The following CDH3 variants were observed in gnomAD, a reference collection of about 807,000 sequenced individuals.
The protein encoded by CDH3 is cadherin 3.
Under a neutral mutation model 82.0 loss-of-function variants are expected in CDH3, and 54 were observed. The ratio of observed to expected loss-of-function variants is 0.66; its 90% confidence interval spans 0.53 to 0.83. CDH3 has a LOEUF of 0.83. CDH3 is among the 40% of genes least tolerant of loss of function. The probability of loss-of-function intolerance (pLI) is 0.00; values close to 1 mark genes in which losing one functional copy is unlikely to be tolerated. For missense variants in CDH3, 1,054 were observed against 1,084.6 expected, an observed-to-expected ratio of 0.97 and a Z score of 0.40; for synonymous variants, 446 against 437.9, an observed-to-expected ratio of 1.02 and a Z score of -0.23.
intron 10 of CDH3, 83 bp from the exon 11 acceptor site, chr16:68,685,122 C>T (rs1961368310): frequency 4.0e-6 from 6 of 1,503,376 alleles, no homozygotes; most frequent in South Asian, 2.3e-5. Flanking sequence ...AGGCCATCTG[C>T]CAGTTGGTAT....
chr16:68,694,390 G>C (rs1327061702), intron 13 of CDH3, among the ~76,000 whole-genome samples: 1 of 151,722 alleles, frequency 6.6e-6, no homozygotes. Context: ...GGGAGGCCAA[G>C]GCAGTTGGAT....
At chr16:68,647,318 A>C (rs922807405) in intron 2 of CDH3, among the ~76,000 whole-genome samples, 2 of 136,172 alleles carry the variant, frequency 1.5e-5, no homozygotes, top group Non-Finnish European at 3.0e-5. Flanking sequence ...TATAGCCTTG[A>C]GTGTTGTCTG....
chr16:68,730,953 G>A (rs1156486013), downstream of CDH3, among the ~76,000 whole-genome samples: 24 of 138,232 alleles, frequency 1.7e-4, no homozygotes, highest in African/African-American at 5.8e-4. Context: ...CCAAGAGGCC[G>A]AGGTTGTGGT....
intron 2 of CDH3, among the ~76,000 whole-genome samples, chr16:68,724,970 G>C (rs1475336146): frequency 3.3e-5 from 5 of 152,144 alleles, no homozygotes; most frequent in Admixed American, 6.6e-5. Context: ...AGTAGACAGA[G>C]TTCTGGCACC....
downstream of CDH3, among the ~76,000 whole-genome samples, chr16:68,702,028 A>AT (rs1555507888): frequency 1.3e-5 from 2 of 151,756 alleles, no homozygotes; most frequent in East Asian, 3.9e-4. Context: ...CCATCTAAAA[A>AT]ATATATATAT....
intron 15 of CDH3, among the ~76,000 whole-genome samples, chr16:68,697,700 GATA>G (rs1961771342): frequency 6.6e-6 from 1 of 152,176 alleles, no homozygotes; most frequent in Non-Finnish European, 1.5e-5. Context: ...GCGCTTATTA[GATA>G]ATGATAGCTA....
intron 1 of CDH3, among the ~76,000 whole-genome samples, chr16:68,708,612 T>C (rs1961992262): frequency 6.6e-6 from 1 of 151,842 alleles, no homozygotes; most frequent in Non-Finnish European, 1.5e-5. Context: ...TTTCTGTCTT[T>C]CTTTCTTTTC....
At chr16:68,656,957 AC>A (rs1261065979) in intron 2 of CDH3, among the ~76,000 whole-genome samples, 1 of 150,246 alleles carries the variant, frequency 6.7e-6, no homozygotes, top group Non-Finnish European at 1.5e-5. Context: ...CTGTCACCCC[AC>A]CCCCACCTGC....
downstream of CDH3, among the ~76,000 whole-genome samples, chr16:68,701,533 C>A (rs1235424372): frequency 6.9e-6 from 1 of 145,746 alleles, no homozygotes; most frequent in Non-Finnish European, 1.5e-5. Flanking sequence ...TTCTCCTGTG[C>A]ATTACACACA....
rs1444516539 is a variant in CDH3, at chr16:68,707,281, G to A, written c.99+11358G>A. On this transcript the variant is annotated intron_variant, in intron 1 of 2. Coordinates refer to the CDH3 transcript ENST00000569080. The surrounding 1 kb of genome is among the most constrained non-coding windows in gnomAD (Gnocchi z 4.5). ...TGCAGAGATGAGGTTGGACAGGTAAGGAGCGGGGGGCCAAGGCGCCCAGTC... is the reference window on the plus strand; with the variant it reads ...TGCAGAGATGAGGTTGGACAGGTAAAGAGCGGGGGGCCAAGGCGCCCAGTC... Among the ~76,000 whole-genome samples the A allele has an allele frequency of 1.3e-5, 2 of 152,216 alleles. No homozygotes were observed. Among genetic ancestry groups the A allele is most frequent in the African/African-American group, 4.8e-5 (2 of 41,452 alleles).
rs1961450668 is a variant in CDH3, at chr16:68,687,595, C to G, written c.1654C>G (p.Gln552Glu). ...CCATGGCCCAGTCCCTGAGCCCCGT[C>G]AGATCACCATCTGCAACCAAAGCCC... is the stretch of plus-strand genomic sequence containing the variant. ...NDHGPVPEPRQITICNQSPVR... is the reference protein window; with the variant it reads ...NDHGPVPEPREITICNQSPVR... Residue 552 changes from glutamine to glutamate, a missense_variant, in exon 12 of 16, where the codon CAG (glutamine) becomes GAG (glutamate). Transcript: ENST00000264012. 6.2e-7 allele frequency: 1 copy of G among 1,614,026 alleles called. No homozygotes were observed. Among genetic ancestry groups the G allele is most frequent in the African/African-American group, 1.3e-5 (1 of 74,924 alleles).
intron 1 of CDH3, among the ~76,000 whole-genome samples, chr16:68,711,766 G>C (rs757443987): frequency 6.6e-6 from 1 of 152,206 alleles, no homozygotes; most frequent in Non-Finnish European, 1.5e-5. Flanking sequence ...GGGCACGAGG[G>C]CGAGGGCATG....
chr16:68,715,401 TG>T (rs1962081906), intron 1 of CDH3, among the ~76,000 whole-genome samples: 1 of 145,550 alleles, frequency 6.9e-6, no homozygotes. Flanking sequence ...CACTCCAGCC[TG>T]GGCGACAGAG....
chr16:68,719,478 AT>A (rs1250877034), intron 1 of CDH3, among the ~76,000 whole-genome samples: 2 of 103,912 alleles, frequency 1.9e-5, no homozygotes, highest in Non-Finnish European at 4.2e-5. Flanking sequence ...GCACAGGGGG[AT>A]TTTTTGGCAT....
intron 1 of CDH3, among the ~76,000 whole-genome samples, chr16:68,705,418 C>G (rs1197174523): frequency 6.6e-6 from 1 of 151,786 alleles, no homozygotes; most frequent in Non-Finnish European, 1.5e-5. Flanking sequence ...CTGTTCTGTG[C>G]AAGACACTGG....
intron 15 of CDH3, 160 bp from the exon 16 acceptor site, chr16:68,698,031 C>T: frequency 1.4e-6 from 1 of 737,900 alleles, no homozygotes; most frequent in Non-Finnish European, 2.4e-6. Context: ...TCTGCTGGTC[C>T]CTGAGTGAAT....
chr16:68,662,668 C>T (rs1960620546), intron 2 of CDH3, among the ~76,000 whole-genome samples: 2 of 151,272 alleles, frequency 1.3e-5, no homozygotes, highest in Admixed American at 1.3e-4. Context: ...CCTCAGCCTC[C>T]CGAGTAGCTG....
rs531686703 is a variant in CDH3, at chr16:68,678,041, G to GC, written c.247-90dup. The GC allele has an allele frequency of 2.5e-3, 3,057 of 1,218,278 alleles. 8 individuals are homozygous for GC. Among genetic ancestry groups the GC allele is most frequent in the Non-Finnish European group, 3.1e-3 (2,575 of 821,634 alleles). 75.5% of individuals were successfully genotyped at this position (1,218,278 alleles called of 1,614,324 possible). The stretch of plus-strand genomic sequence containing the variant: ...TGGGATTATAGGCGTGAGCTACCAT[G>GC]CCCAGCCACCCTTTTAACTCTTATA... On this transcript the variant is annotated intron_variant, in intron 3 of 15. Coordinates refer to ENST00000264012, the MANE Select transcript of CDH3 (RefSeq NM_001793.6).
chr16:68,721,312 C>T (rs546601061), intron 1 of CDH3, among the ~76,000 whole-genome samples: 1 of 147,910 alleles, frequency 6.8e-6, no homozygotes, highest in African/African-American at 2.5e-5. Context: ...CGGCTCACTG[C>T]AACCTCTGCC....
Sources: gnomAD v4.1 joint callset for allele counts (sites outside exome capture counted in the v4.1 genomes callset) on GRCh38, gnomAD v4.1.1 for gene constraint, Gnocchi (gnomAD v3.1) non-coding constraint, MANE v1.5 for transcripts, NCBI Gene and HGNC (gene_info 2026-07-23, HGNC 2026-07-21) for gene names.